Variants in RPUSD4 observed in about 807,000 individuals in gnomAD.
RPUSD4 encodes pseudouridylate synthase RPUSD4, mitochondrial.
RPUSD4 carries 37 observed loss-of-function variants against 35.4 expected under a neutral mutation model. The observed-to-expected ratio is 1.04, with a 90% CI of 0.80 to 1.37. RPUSD4 has a LOEUF of 1.37. Ranked by LOEUF, RPUSD4 falls within the 40% of genes most tolerant of loss-of-function variation. RPUSD4 has a pLI of 0.00. For missense variants in RPUSD4, 507 were observed against 484.9 expected (o/e 1.05, Z -0.43); for synonymous variants, 210 against 192.7 (o/e 1.09, Z -0.74).
rs1476569814 is a variant in RPUSD4, at chr11:126,205,622, A to G, written c.652-10T>C. 6.2e-7 allele frequency: 1 copy of G among 1,614,140 alleles called. No individual in the cohort carries two copies. Among genetic ancestry groups the G allele is most frequent in the Admixed American group, 1.7e-5 (1 of 60,036 alleles). On this transcript the variant is annotated splice_polypyrimidine_tract_variant and intron_variant, in intron 4 of 6. Coordinates refer to ENST00000298317, the MANE Select transcript of RPUSD4 (RefSeq NM_032795.3). ...TCGGGGACAATGTCATCTGAAGCCAAAGAAATCAAGATATGATTCCCAAGG... is the reference window on the plus strand; with the variant it reads ...TCGGGGACAATGTCATCTGAAGCCAGAGAAATCAAGATATGATTCCCAAGG...
intron 1 of RPUSD4, 104 bp from the exon 2 acceptor site, chr11:126,211,159 T>C (rs1949860136): frequency 1.7e-5 from 23 of 1,358,486 alleles, no homozygotes; most frequent in Non-Finnish European, 2.3e-5. Flanking sequence ...TGACTATCTT[T>C]GCATCAGACC....
rs1268085434 is a variant in RPUSD4, at chr11:126,211,599, G to A, written c.40C>T (p.Arg14Trp). 6.2e-7 allele frequency: 1 copy of A among 1,614,044 alleles called. No homozygotes were observed. Residue 14 changes from arginine (R) to tryptophan (W), a missense_variant, in exon 1 of 7, where the codon CGG becomes TGG. Transcript: ENST00000298317. ...PRWSASGPWI[R>W]GNGQGCGSLF... ...CTCCCGCAACCTTGGCCGTTTCCCC[G>A]GATCCAGGGGCCCGACGCGCTCCAC...
chr11:126,209,158 ACTT>A, intron 3 of RPUSD4: 1 of 200,406 alleles, frequency 5.0e-6, no homozygotes, highest in South Asian at 7.8e-5. Context: ...TACCGGACTA[ACTT>A]CTTACTTTTT....
At position 126,205,627 on chromosome 11, in the gene RPUSD4, A is replaced by C; in HGVS notation, c.652-15T>G. The C allele has an allele frequency of 6.2e-7, 1 of 1,614,068 alleles. No individual in the cohort carries two copies. Among genetic ancestry groups the C allele is most frequent in the Non-Finnish European group, 8.5e-7 (1 of 1,179,856 alleles). ...GACAATGTCATCTGAAGCCAAAGAA[A>C]TCAAGATATGATTCCCAAGGAAGAG... On this transcript the variant is annotated splice_polypyrimidine_tract_variant and intron_variant, in intron 4 of 6. Coordinates refer to ENST00000298317, the MANE Select transcript of RPUSD4 (RefSeq NM_032795.3).
intron 2 of RPUSD4, among the ~76,000 whole-genome samples, 173 bp from the exon 3 acceptor site, chr11:126,209,895 G>C (rs1949823847): frequency 6.6e-6 from 1 of 152,198 alleles, no homozygotes; most frequent in Non-Finnish European, 1.5e-5. Flanking sequence ...TATTAGAAGT[G>C]AATCTCAGGC....
rs1351270253 is a variant in RPUSD4 at position 126,203,661 on chromosome 11, T to C, written c.895-4A>G. On this transcript the variant is annotated splice_polypyrimidine_tract_variant and splice_region_variant and intron_variant, in intron 6 of 6. Coordinates refer to ENST00000298317, the MANE Select transcript of RPUSD4 (RefSeq NM_032795.3). ...TCAGGGTGCCCACAGACAGCTTCTATACAAAGAAAGGACAGACCCTTGAGA... is the reference window on the plus strand; with the variant it reads ...TCAGGGTGCCCACAGACAGCTTCTACACAAAGAAAGGACAGACCCTTGAGA... 7 of 1,609,978 alleles carry C rather than the reference T, an allele frequency of 4.3e-6. No individual in the cohort carries two copies. Among genetic ancestry groups the C allele is most frequent in the Non-Finnish European group, 5.9e-6 (7 of 1,177,066 alleles).
chr11:126,204,106 A>G (rs1949742673), intron 6 of RPUSD4, 125 bp downstream of exon 6: 1 of 751,512 alleles, frequency 1.3e-6, no homozygotes, highest in Non-Finnish European at 2.3e-6. Context: ...AATCAAGATA[A>G]TGAGCTTGGT....
At chr11:126,205,261 TAC>T (rs1276100068) in intron 5 of RPUSD4, among the ~76,000 whole-genome samples, 1 of 152,238 alleles carries the variant, frequency 6.6e-6, no homozygotes, top group Non-Finnish European at 1.5e-5. Flanking sequence ...GGAACCACTC[TAC>T]ACAGTTTTAA....
chr11:126,210,752 AT>A, intron 2 of RPUSD4, 137 bp downstream of exon 2: 1 of 712,234 alleles, frequency 1.4e-6, no homozygotes, highest in Non-Finnish European at 2.2e-6. Flanking sequence ...GTGGTTCCTT[AT>A]ATTGGACGGT....
intron 2 of RPUSD4, among the ~76,000 whole-genome samples, chr11:126,210,384 C>G (rs1026924970): frequency 2.6e-5 from 4 of 152,168 alleles, no homozygotes; most frequent in African/African-American, 9.7e-5. Flanking sequence ...TTCACAAATG[C>G]ATTTTTTAAA....
Position 126,203,489 on chromosome 11 carries a change from G to C in RPUSD4, c.1063C>G (p.Arg355Gly). Residue 355 changes from arginine (R) to glycine (G), a missense_variant, in exon 7 of 7, where the codon CGC becomes GGC. Arg to Gly is a moderately radical substitution (Grantham distance 125). Transcript: ENST00000298317. ...TCATTTGGCATCTCTAAACGCAGGC[G>C]GTGCAGGGAATGCACAAAGAAGCGA... ...LPRFFVHSLHRLRLEMPNEDQ... is the reference protein window; with the variant it reads ...LPRFFVHSLHGLRLEMPNEDQ... 6.2e-7 allele frequency: 1 copy of C among 1,614,150 alleles called. No individual in the cohort carries two copies. Among genetic ancestry groups the C allele is most frequent in the Non-Finnish European group, 8.5e-7 (1 of 1,180,044 alleles).
rs1317980638 is a variant in RPUSD4, at chr11:126,205,783, T to TG, written c.558-3dup. Reference sequence around the variant, plus strand: ...ATGGGGACATGCACAGTGATGGCCCTGGGGGTGACACAGATCACTGCTTTA... The same window carrying TG: ...ATGGGGACATGCACAGTGATGGCCCTGGGGGGTGACACAGATCACTGCTTTA... On this transcript the variant is annotated splice_polypyrimidine_tract_variant and splice_region_variant and intron_variant, in intron 3 of 6. Coordinates refer to ENST00000298317, the MANE Select transcript of RPUSD4 (RefSeq NM_032795.3). 2 of 1,594,006 alleles carry TG rather than the reference T, an allele frequency of 1.3e-6. No individual in the cohort carries two copies. The highest frequency in any genetic ancestry group is 1.7e-6 in the Non-Finnish European group (2 of 1,167,668).
rs1032939952 is a variant in RPUSD4 at position 126,205,787 on chromosome 11, G to T, written c.558-6C>A. On this transcript the variant is annotated splice_region_variant and splice_polypyrimidine_tract_variant and intron_variant, in intron 3 of 6. Coordinates refer to ENST00000298317, the MANE Select transcript of RPUSD4 (RefSeq NM_032795.3). Reference sequence around the variant, plus strand: ...GGACATGCACAGTGATGGCCCTGGGGGTGACACAGATCACTGCTTTAGCCA... The same window carrying T: ...GGACATGCACAGTGATGGCCCTGGGTGTGACACAGATCACTGCTTTAGCCA... The T allele has an allele frequency of 3.4e-5, 54 of 1,586,954 alleles. No individual in the cohort carries two copies. Among genetic ancestry groups the T allele is most frequent in the Non-Finnish European group, 4.5e-5 (52 of 1,163,422 alleles).
At position 126,203,538 on chromosome 11, in the gene RPUSD4, T is replaced by C. The variant is rs773328458; in HGVS notation, c.1014A>G (p.Glu338=). 6.2e-7 allele frequency: 1 copy of C among 1,614,134 alleles called. No homozygotes were observed. Among genetic ancestry groups the C allele is most frequent in the Non-Finnish European group, 8.5e-7 (1 of 1,180,030 alleles). Residue 338 remains glutamate, a synonymous_variant, in exon 7 of 7, where the codon GAA becomes GAG. Transcript: ENST00000298317. ...ILPALGSGKE[E]LNLVCKLPRF... ...GAGGAAGTTTGCAGACCAAGTTGAG[T>C]TCCTCCTTCCCGGACCCCAGGGCAG...
chr11:126,210,551 C>CACACACACACACACACACACACACA (rs369874015), intron 2 of RPUSD4, among the ~76,000 whole-genome samples: 1 of 145,464 alleles, frequency 6.9e-6, no homozygotes, highest in African/African-American at 2.5e-5. Flanking sequence ...ACACACACAC[C>CACACACACACACACACACACACACA]CCCTTTTTTC....
Position 126,210,861 on chromosome 11 carries a change from T to TC in RPUSD4, c.355+28_355+29insG, listed in dbSNP as rs745743353. On this transcript the variant is annotated intron_variant, in intron 2 of 6. Transcript: ENST00000298317. ...GGTTGTAGCAGAAAGCAGCTGCAGG[T>TC]TCCTCCACCTTTCCCGCGTGGTCCT... 7 of 1,594,868 alleles carry TC rather than the reference T, an allele frequency of 4.4e-6. No individual in the cohort carries two copies. In the East Asian group the frequency reaches 1.3e-4, roughly 31 times the overall value.
At chr11:126,209,167 T>C (rs1202625427) in intron 3 of RPUSD4, 1 of 204,374 alleles carries the variant, frequency 4.9e-6, no homozygotes, top group Non-Finnish European at 1.0e-5. Context: ...AACTTCTTAC[T>C]TTTTATAGAG....
At chr11:126,210,691 C>T (rs1313923776) in intron 2 of RPUSD4, among the ~76,000 whole-genome samples, 199 bp downstream of exon 2, 1 of 151,814 alleles carries the variant, frequency 6.6e-6, no homozygotes, top group Non-Finnish European at 1.5e-5. Context: ...TGCTTACTGT[C>T]AGATGTTTAG....
intron 3 of RPUSD4, 41 bp downstream of exon 3, chr11:126,209,480 T>C: frequency 6.5e-7 from 1 of 1,534,490 alleles, no homozygotes; most frequent in Non-Finnish European, 9.0e-7. Flanking sequence ...AAGAAATGCC[T>C]CCACTTATAC....
Sources: gnomAD v4.1 joint callset for allele counts (sites outside exome capture counted in the v4.1 genomes callset) on GRCh38, gnomAD v4.1.1 for gene constraint, MANE v1.5 for transcripts, NCBI Gene and HGNC (gene_info 2026-07-23, HGNC 2026-07-21) for gene names.